Variants in CSNK2A2IP observed in about 807,000 individuals in gnomAD.
CSNK2A2IP encodes the protein casein kinase II subunit alpha'-interacting protein.
At chr3:88,414,619 A>T in the CSNK2A2IP span, among the ~76,000 whole-genome samples, 1 of 152,038 alleles carries the variant, frequency 6.6e-6, no homozygotes, top group Non-Finnish European at 1.5e-5. Context: ...AAAAGGCAGA[A>T]CATTATAGAT....
the CSNK2A2IP span, among the ~76,000 whole-genome samples, chr3:88,427,164 G>A: frequency 6.6e-6 from 1 of 152,030 alleles, no homozygotes; most frequent in Admixed American, 6.5e-5. Flanking sequence ...GTCTCAGATG[G>A]AGATGAAGAA....
chr3:88,406,924 C>T, the CSNK2A2IP span, among the ~76,000 whole-genome samples: 1 of 152,070 alleles, frequency 6.6e-6, no homozygotes, highest in Non-Finnish European at 1.5e-5. Context: ...TCTCATGTGG[C>T]CGACACGGAG....
chr3:88,354,751 C>CA, the CSNK2A2IP span, among the ~76,000 whole-genome samples: 1 of 152,108 alleles, frequency 6.6e-6, no homozygotes, highest in South Asian at 2.1e-4. Context: ...AAAGAAACCC[C>CA]ATGAGATTGG....
chr3:88,373,750 G>A, the CSNK2A2IP span, among the ~76,000 whole-genome samples: 1 of 151,122 alleles, frequency 6.6e-6, no homozygotes, highest in Non-Finnish European at 1.5e-5. Context: ...TAACTTGACA[G>A]AGCAAGCAAA....
the CSNK2A2IP span, among the ~76,000 whole-genome samples, chr3:88,397,223 T>C: frequency 0.39 from 59,857 of 152,000 alleles, 14,957 homozygotes; most frequent in South Asian, 0.61. Context: ...TCTCAATTCT[T>C]GTTCTTCCTC....
the CSNK2A2IP span, among the ~76,000 whole-genome samples, chr3:88,416,684 T>C: frequency 6.6e-6 from 1 of 152,166 alleles, no homozygotes; most frequent in Non-Finnish European, 1.5e-5. Flanking sequence ...CTTCTGAGCA[T>C]AGATGGAATG....
At chr3:88,342,491 C>T in the CSNK2A2IP span, among the ~76,000 whole-genome samples, 1 of 151,948 alleles carries the variant, frequency 6.6e-6, no homozygotes, top group African/African-American at 2.4e-5. Context: ...AAATCTTCCT[C>T]CACCATGTGG....
At chr3:88,365,066 C>T in the CSNK2A2IP span, among the ~76,000 whole-genome samples, 2 of 152,140 alleles carry the variant, frequency 1.3e-5, no homozygotes, top group Non-Finnish European at 2.9e-5. Flanking sequence ...TAGGAAGTGT[C>T]TGATCCAGGA....
chr3:88,455,871 T>G, the CSNK2A2IP span, among the ~76,000 whole-genome samples: 1 of 151,096 alleles, frequency 6.6e-6, no homozygotes, highest in Non-Finnish European at 1.5e-5. Flanking sequence ...ATTAATTGAT[T>G]TTTGTGTAAG....
the CSNK2A2IP span, among the ~76,000 whole-genome samples, chr3:88,409,079 A>G: frequency 2.2e-4 from 34 of 152,170 alleles, no homozygotes; most frequent in African/African-American, 8.2e-4. Flanking sequence ...CACGAAAACT[A>G]GTGATAATTG....
the CSNK2A2IP span, among the ~76,000 whole-genome samples, chr3:88,400,243 A>G: frequency 6.6e-6 from 1 of 152,136 alleles, no homozygotes; most frequent in African/African-American, 2.4e-5. Flanking sequence ...AATATTTGCC[A>G]AGAATTGACT....
chr3:88,459,116 A>C, the CSNK2A2IP span, among the ~76,000 whole-genome samples: 1 of 152,100 alleles, frequency 6.6e-6, no homozygotes, highest in Non-Finnish European at 1.5e-5. Flanking sequence ...TATGTCTTGA[A>C]AAAGGAAGTA....
At chr3:88,360,633 A>G in the CSNK2A2IP span, among the ~76,000 whole-genome samples, 62,721 of 151,968 alleles carry the variant, frequency 0.41, 14,832 homozygotes, top group South Asian at 0.6. Context: ...CTCTGAATGA[A>G]TAAGAAAACT....
the CSNK2A2IP span, among the ~76,000 whole-genome samples, chr3:88,432,658 C>CT: frequency 4.0e-5 from 6 of 151,110 alleles, no homozygotes; most frequent in Non-Finnish European, 8.9e-5. Flanking sequence ...CAATTGAATA[C>CT]TTTTTTTCTA....
chr3:88,397,730 A>C, the CSNK2A2IP span, among the ~76,000 whole-genome samples: 2 of 151,258 alleles, frequency 1.3e-5, no homozygotes, highest in East Asian at 3.9e-4. Context: ...CAGCCTTTAA[A>C]TTATTTATTG....
chr3:88,385,905 A>C, the CSNK2A2IP span, among the ~76,000 whole-genome samples: 1 of 152,230 alleles, frequency 6.6e-6, no homozygotes, highest in South Asian at 2.1e-4. Flanking sequence ...AGTCACATAA[A>C]TATAAAAGTC....
chr3:88,358,983 A>G, the CSNK2A2IP span, among the ~76,000 whole-genome samples: 40 of 143,710 alleles, frequency 2.8e-4, no homozygotes, highest in African/African-American at 9.5e-4. Flanking sequence ...TTTTTCTGGG[A>G]GACTTTTTTG....
chr3:88,467,024 T>TA, the CSNK2A2IP span: 3 of 1,164,018 alleles, frequency 2.6e-6, no homozygotes, highest in African/African-American at 4.8e-5. Context: ...GTAGAGAAGA[T>TA]ACAGCAGTTT....
the CSNK2A2IP span, among the ~76,000 whole-genome samples, chr3:88,435,211 C>T: frequency 1.3e-5 from 2 of 152,114 alleles, no homozygotes; most frequent in African/African-American, 4.8e-5. Context: ...CCCCACCTTC[C>T]CAGGTGCCTC....
Sources: allele counts gnomAD v4.1 joint callset (sites outside exome capture counted in the v4.1 genomes callset), GRCh38; gene constraint gnomAD v4.1.1; transcripts MANE v1.5; gene names NCBI Gene and HGNC (gene_info 2026-07-23, HGNC 2026-07-21).